The following ANO10 variants were observed in gnomAD, a reference collection of about 807,000 sequenced individuals.
The protein encoded by ANO10 is anoctamin 10.
Under a neutral mutation model 74.7 loss-of-function variants are expected in ANO10, and 77 were observed. The observed-to-expected ratio is 1.03, with a 90% confidence interval of 0.86 to 1.25. ANO10 has a LOEUF of 1.25. Among genes scored for constraint, ANO10 ranks in the 50% most tolerant of loss-of-function variants. The pLI, the probability that ANO10 is intolerant of heterozygous loss-of-function variation, is 0.00. For missense variants in ANO10, 721 were observed against 778.1 expected, an observed-to-expected ratio of 0.93 and a Z score of 0.87; for synonymous variants, 279 against 284.9, an observed-to-expected ratio of 0.98 and a Z score of 0.21.
chr3:43,494,377 C>T (rs1311451723), intron 11 of ANO10, among the ~76,000 whole-genome samples: 7 of 152,166 alleles, frequency 4.6e-5, no homozygotes, highest in African/African-American at 1.7e-4. Context: ...TGCTTGAACC[C>T]AGGAGGCGGA....
At chr3:43,461,731 G>GCCT (rs1387664620) in intron 11 of ANO10, among the ~76,000 whole-genome samples, 1 of 152,162 alleles carries the variant, frequency 6.6e-6, no homozygotes, top group Non-Finnish European at 1.5e-5. Flanking sequence ...GTCCAATTAA[G>GCCT]CCTCCTTCTT....
intron 12 of ANO10, among the ~76,000 whole-genome samples, chr3:43,372,205 C>T (rs1181000393): frequency 6.6e-6 from 1 of 152,200 alleles, no homozygotes; most frequent in African/African-American, 2.4e-5. Context: ...CCACCACCAG[C>T]CAGCATCTCA....
chr3:43,376,427 G>A (rs989239076), intron 12 of ANO10, among the ~76,000 whole-genome samples: 7 of 152,290 alleles, frequency 4.6e-5, no homozygotes, highest in African/African-American at 1.7e-4. Context: ...CACTTGTAAA[G>A]TAGAGGTATA....
chr3:43,539,295 T>C (rs2149272374), intron 11 of ANO10, among the ~76,000 whole-genome samples: 1 of 152,304 alleles, frequency 6.6e-6, no homozygotes, highest in African/African-American at 2.4e-5. Context: ...GTTTCTTATG[T>C]GTTGCAAGTC....
At position 43,567,884 on chromosome 3, in the gene ANO10, C is replaced by T. The variant is rs539817688; in HGVS notation, c.1219-2157G>A. ...AAATGCTCCAATTAAAAGACACAGA[C>T]GGGCAAACTGGATAAAGACTCAAGA... On this transcript the variant is annotated intron_variant, in intron 7 of 12. Transcript: ENST00000292246. 5.6e-3 allele frequency among the ~76,000 whole-genome samples: 851 copies of T among 152,208 alleles called. 7 individuals carry two copies. The highest frequency in any genetic ancestry group is 0.019 in the African/African-American group (784 of 41,516).
At chr3:43,492,897 G>T (rs143657616) in intron 11 of ANO10, among the ~76,000 whole-genome samples, 3 of 152,108 alleles carry the variant, frequency 2.0e-5, no homozygotes, top group Admixed American at 1.3e-4. Flanking sequence ...CAAGGATCTA[G>T]AACTAGAAAT....
intron 1 of ANO10, among the ~76,000 whole-genome samples, chr3:43,671,284 T>C (rs1405015390): frequency 6.6e-6 from 1 of 152,142 alleles, no homozygotes; most frequent in Non-Finnish European, 1.5e-5. Flanking sequence ...AGAGGCCACA[T>C]CTCTATTCTC....
At chr3:43,605,634 TGACTGAGCATACAGTGTGGGA>T in intron 2 of ANO10, 59 bp downstream of exon 2, 1 of 1,503,530 alleles carries the variant, frequency 6.7e-7, no homozygotes, top group Non-Finnish European at 9.2e-7. Context: ...ACATTTTTAG[TGACTGAGCATACAGTGTGGGA>T]GGCTGAGCAT....
chr3:43,551,810 C>T (rs1308100827), intron 10 of ANO10, among the ~76,000 whole-genome samples: 1 of 152,078 alleles, frequency 6.6e-6, no homozygotes, highest in Non-Finnish European at 1.5e-5. Flanking sequence ...TACTTTAAAC[C>T]TACCTAAATC....
intron 12 of ANO10, among the ~76,000 whole-genome samples, chr3:43,401,237 T>C (rs563638122): frequency 6.6e-6 from 1 of 152,342 alleles, no homozygotes; most frequent in African/African-American, 2.4e-5. Flanking sequence ...TAGGGTGATG[T>C]ACCAGAAACC....
intron 1 of ANO10, among the ~76,000 whole-genome samples, chr3:43,651,354 A>G (rs1210136959): frequency 6.6e-6 from 1 of 152,244 alleles, no homozygotes; most frequent in African/African-American, 2.4e-5. Flanking sequence ...CCATAAAGAC[A>G]CACCGTAAAA....
chr3:43,609,697 T>C (rs772193525), intron 1 of ANO10, among the ~76,000 whole-genome samples: 90 of 152,332 alleles, frequency 5.9e-4, no homozygotes, highest in Non-Finnish European at 1.0e-3. Flanking sequence ...TGTAGCCTTA[T>C]TACTCCAAGG....
intron 12 of ANO10, among the ~76,000 whole-genome samples, chr3:43,386,779 C>A (rs553362920): frequency 6.6e-6 from 1 of 151,936 alleles, no homozygotes; most frequent in Non-Finnish European, 1.5e-5. Context: ...CCCAGCAACC[C>A]ACATGCATCC....
chr3:43,368,875 G>T lies in ANO10; in HGVS notation c.1915-1901C>A, dbSNP rs2091504627. Among the ~76,000 whole-genome samples, 2 of 152,088 alleles carry T rather than the reference G, an allele frequency of 1.3e-5. 1 individual carries two copies. The highest frequency in any genetic ancestry group is 4.1e-4 in the South Asian group (2 of 4,828). On this transcript the variant is annotated intron_variant, in intron 12 of 12. Transcript: ENST00000292246. ...TTAACTAAACTAAAACAATAATGAA[G>T]ACAGAACATTCCCCAGCTTGTCACG...
At chr3:43,573,632 G>A (rs997825200) in intron 7 of ANO10, among the ~76,000 whole-genome samples, 1 of 152,046 alleles carries the variant, frequency 6.6e-6, no homozygotes, top group Admixed American at 6.6e-5. Flanking sequence ...GTAAACCCCC[G>A]ATAAATGAGG....
intron 11 of ANO10, among the ~76,000 whole-genome samples, chr3:43,447,334 G>A (rs1185681224): frequency 2.6e-5 from 4 of 152,200 alleles, no homozygotes; most frequent in Non-Finnish European, 4.4e-5. Flanking sequence ...AGCTGAATAT[G>A]AGACTCCCTG....
intron 1 of ANO10, among the ~76,000 whole-genome samples, chr3:43,670,227 T>C (rs1308206703): frequency 2.0e-5 from 3 of 151,950 alleles, no homozygotes; most frequent in Non-Finnish European, 4.4e-5. Flanking sequence ...CTAGTCATGG[T>C]GGCACATGCC....
At chr3:43,414,353 CTA>C (rs931820736) in intron 12 of ANO10, among the ~76,000 whole-genome samples, 2 of 152,066 alleles carry the variant, frequency 1.3e-5, no homozygotes, top group African/African-American at 4.8e-5. Context: ...CAGCTCAATT[CTA>C]TATGTTTAAT....
At chr3:43,685,561 G>C (rs919668086) in intron 1 of ANO10, among the ~76,000 whole-genome samples, 7 of 152,056 alleles carry the variant, frequency 4.6e-5, no homozygotes, top group African/African-American at 1.4e-4. Context: ...TAAATTCCTG[G>C]GCCACAGAGT....
Sources: allele counts gnomAD v4.1 joint callset (sites outside exome capture counted in the v4.1 genomes callset), GRCh38; gene constraint gnomAD v4.1.1; transcripts MANE v1.5; gene names NCBI Gene and HGNC (gene_info 2026-07-23, HGNC 2026-07-21).